The following TUT4 variants were observed in gnomAD, a reference collection of about 807,000 sequenced individuals.
The protein encoded by TUT4 is terminal uridylyl transferase 4, also known as terminal uridylyltransferase 4.
In TUT4, 36 loss-of-function variants were observed where a neutral mutation model predicts 192.2. That is an observed-to-expected ratio of 0.19 (90% confidence interval 0.14 to 0.25). TUT4 has a LOEUF of 0.25. Among genes scored for constraint, TUT4 ranks in the 10% least tolerant of loss-of-function variants. The pLI is 1.00. For missense variants in TUT4, 1,493 were observed against 1,957.2 expected (o/e 0.76, Z 4.47); for synonymous variants, 618 against 666.0 (o/e 0.93, Z 1.11).
chr1:52,473,361 C>G lies in TUT4; in HGVS notation c.2728-1259G>C, dbSNP rs559023201. On this transcript the variant is annotated intron_variant, in intron 13 of 29. Coordinates refer to ENST00000257177, the MANE Select transcript of TUT4 (RefSeq NM_001009881.3). ...ATCTGTACAAAGTAGTTCTGGAGAT[C>G]TGTACAGATTAATAATACTGTATTA... is the stretch of plus-strand genomic sequence containing the variant. 2.6e-5 allele frequency among the ~76,000 whole-genome samples: 4 copies of G among 152,164 alleles called. No individual in the cohort carries two copies. The East Asian group carries it at 5.8e-4, about 22-fold the overall frequency.
intron 11 of TUT4, among the ~76,000 whole-genome samples, chr1:52,479,444 G>A (rs561867265): frequency 6.6e-6 from 1 of 152,168 alleles, no homozygotes; most frequent in Admixed American, 6.5e-5. Context: ...GACCAGGAAG[G>A]TAACAGTGGA....
chr1:52,431,789 T>A (rs1652158236), intron 27 of TUT4: 1 of 174,982 alleles, frequency 5.7e-6, no homozygotes, highest in Admixed American at 5.7e-5. Context: ...GTGTCAATTA[T>A]GTACTAAGTA....
chr1:52,461,047 A>C, intron 19 of TUT4, 87 bp downstream of exon 19: 3 of 1,154,870 alleles, frequency 2.6e-6, no homozygotes, highest in Non-Finnish European at 3.6e-6. Context: ...AACAAAACTG[A>C]GACAAAATTT....
At chr1:52,462,898 C>T (rs1292224284) in intron 16 of TUT4, 1 of 985,182 alleles carries the variant, frequency 1.0e-6, no homozygotes, top group Non-Finnish European at 1.2e-6. Flanking sequence ...AAACATCAAT[C>T]CCAAGAGTTA....
chr1:52,430,962 T>C lies in TUT4; in HGVS notation c.4711+51A>G, dbSNP rs753639710. 20 of 1,503,278 alleles carry C rather than the reference T, an allele frequency of 1.3e-5. No homozygotes were observed. In the Admixed American group the frequency reaches 1.5e-4, roughly 11 times the overall value. 93.1% of individuals were successfully genotyped at this position (1,503,278 alleles called of 1,614,324 possible). A position where few individuals can be genotyped will look rare whatever the true frequency, so the allele number is the denominator to read the frequency against. On this transcript the variant is annotated intron_variant, in intron 28 of 29. Transcript: ENST00000257177. ...TCCTCACATTGTTTCTACAGACAGA[T>C]ACAAAAGAAGAAAAGACATGCAGAT...
intron 2 of TUT4, among the ~76,000 whole-genome samples, chr1:52,523,112 C>A (rs1009271938): frequency 6.7e-6 from 1 of 149,732 alleles, no homozygotes; most frequent in Non-Finnish European, 1.5e-5. Flanking sequence ...CCTGCCTCAG[C>A]CTCCCGAGTA....
chr1:52,440,442 T>G (rs1655194277), intron 24 of TUT4, among the ~76,000 whole-genome samples: 1 of 151,164 alleles, frequency 6.6e-6, no homozygotes, highest in East Asian at 1.9e-4. Flanking sequence ...TGTTTTTTTT[T>G]TTTTTTTTTT....
chr1:52,492,183 T>C (rs1671328133), intron 7 of TUT4, among the ~76,000 whole-genome samples: 1 of 152,182 alleles, frequency 6.6e-6, no homozygotes, highest in South Asian at 2.1e-4. Context: ...GAAAGAAAAC[T>C]GTATTAAAAT....
intron 1 of TUT4, among the ~76,000 whole-genome samples, chr1:52,526,736 C>T (rs376357418): frequency 3.9e-5 from 6 of 152,070 alleles, no homozygotes; most frequent in African/African-American, 1.4e-4. Context: ...ACAAGAATTC[C>T]AATCTTGGCT....
At chr1:52,464,813 C>T (rs2148746018) in intron 16 of TUT4, 1 of 317,020 alleles carries the variant, frequency 3.2e-6, no homozygotes, top group Non-Finnish European at 5.7e-6. Context: ...TATATTTTTT[C>T]CCAAAATTCA....
intron 1 of TUT4, chr1:52,538,619 C>T (rs1685605251): frequency 7.1e-6 from 1 of 141,716 alleles, no homozygotes; most frequent in African/African-American, 2.6e-5. Flanking sequence ...TGCACTCCAG[C>T]CTAGGCAACA....
chr1:52,456,920 G>C (rs761437309), intron 20 of TUT4, among the ~76,000 whole-genome samples: 19 of 152,166 alleles, frequency 1.2e-4, no homozygotes, highest in Admixed American at 9.8e-4. Flanking sequence ...GTACCACTCT[G>C]GTGGGGTTAA....
chr1:52,522,849 T>C (rs1680647157), intron 2 of TUT4, among the ~76,000 whole-genome samples: 1 of 151,816 alleles, frequency 6.6e-6, no homozygotes. Flanking sequence ...TCGCTTGAAC[T>C]CAGAGGCAGA....
intron 19 of TUT4, 95 bp from the exon 20 acceptor site, chr1:52,458,544 G>C: frequency 1.1e-6 from 1 of 893,818 alleles, no homozygotes; most frequent in Non-Finnish European, 1.7e-6. Flanking sequence ...TTAACCCACA[G>C]AACTGGGTTA....
At chr1:52,536,126 T>C in intron 1 of TUT4, among the ~76,000 whole-genome samples, 1 of 152,228 alleles carries the variant, frequency 6.6e-6, no homozygotes, top group East Asian at 1.9e-4. Flanking sequence ...TTGGTAACTC[T>C]TGGGTTTTTC....
intron 2 of TUT4, among the ~76,000 whole-genome samples, chr1:52,518,595 T>G (rs1557926660): frequency 6.6e-6 from 1 of 152,126 alleles, no homozygotes; most frequent in Non-Finnish European, 1.5e-5. Context: ...CATATGAATT[T>G]GGGAGGGGAC....
intron 1 of TUT4, among the ~76,000 whole-genome samples, chr1:52,552,394 G>A (rs1689692117): frequency 6.6e-6 from 1 of 152,170 alleles, no homozygotes; most frequent in Admixed American, 6.5e-5. Flanking sequence ...GGGCGAGCAA[G>A]AAACAAAATC....
chr1:52,525,916 G>A lies in TUT4; in HGVS notation c.365C>T (p.Thr122Ile). 2 of 1,614,002 alleles carry A rather than the reference G, an allele frequency of 1.2e-6. No individual in the cohort carries two copies. The highest frequency in any genetic ancestry group is 1.7e-6 in the Non-Finnish European group (2 of 1,180,008). ...TISQAKSEKA[T>I]SLQAKAEKSP... is the part of the protein sequence containing the mutation. Reference sequence around the variant, plus strand: ...TTTTTCTGCTTTTGCCTGTAAACTGGTTGCCTTTTCTGATTTTGCCTGTGA... The same window carrying A: ...TTTTTCTGCTTTTGCCTGTAAACTGATTGCCTTTTCTGATTTTGCCTGTGA... The change falls in exon 2 of 30, where the codon ACC (threonine) becomes ATC (isoleucine). Residue 122 changes from threonine (T) to isoleucine (I), a missense_variant. Thr to Ile is a moderately conservative substitution (Grantham distance 89, BLOSUM62 -1). Transcript: ENST00000257177.
chr1:52,549,164 A>G (rs1458228777), intron 1 of TUT4, among the ~76,000 whole-genome samples: 1 of 152,190 alleles, frequency 6.6e-6, no homozygotes, highest in Non-Finnish European at 1.5e-5. Flanking sequence ...GAAGCCAAGG[A>G]GAAAAAAATA....
Sources: allele counts gnomAD v4.1 joint callset (sites outside exome capture counted in the v4.1 genomes callset), GRCh38; gene constraint gnomAD v4.1.1; transcripts MANE v1.5; gene names NCBI Gene and HGNC (gene_info 2026-07-23, HGNC 2026-07-21).